Variants in KCNQ2 observed in about 807,000 individuals in gnomAD.
The protein encoded by KCNQ2 is potassium voltage-gated channel subfamily KQT member 2.
A neutral mutation model predicts 84.8 loss-of-function variants in KCNQ2; 14 were observed. The ratio of observed to expected loss-of-function variants is 0.17; its 90% CI spans 0.11 to 0.26. KCNQ2 has a LOEUF of 0.26. Among genes scored for constraint, KCNQ2 ranks in the 10% least tolerant of loss-of-function variants. KCNQ2 has a pLI of 1.00. For missense variants in KCNQ2, 788 were observed against 1,254.0 expected, an observed-to-expected ratio of 0.63 and a Z score of 5.61; for synonymous variants, 599 against 554.1, an observed-to-expected ratio of 1.08 and a Z score of -1.14.
At position 63,406,474 on chromosome 20, in the gene KCNQ2, G is replaced by A. The variant is rs1421399568; in HGVS notation, c.*170C>T. 3 of 790,610 alleles carry A rather than the reference G, an allele frequency of 3.8e-6. No individual in the cohort carries two copies. The highest frequency in any genetic ancestry group is 3.5e-5 in the African/African-American group (2 of 57,364). The allele number at this position is 790,610 out of a possible 1,614,324, so 49.0% of individuals were successfully genotyped here. ...TGTTGGAAAATAACTTTTGTAAAAG[G>A]TCACTGCCAGGAGCCCCCATCCTTC... On this transcript the variant is annotated 3_prime_UTR_variant, in exon 17 of 17. Transcript: ENST00000359125.
intron 1 of KCNQ2, among the ~76,000 whole-genome samples, chr20:63,454,098 G>A (rs917871621): frequency 6.6e-6 from 1 of 152,194 alleles, no homozygotes; most frequent in African/African-American, 2.4e-5. Context: ...ATGCGGCCGA[G>A]ATCTGTGGCT....
intron 2 of KCNQ2, 60 bp from the exon 3 acceptor site, chr20:63,445,424 C>G: frequency 6.3e-7 from 1 of 1,597,724 alleles, no homozygotes; most frequent in Non-Finnish European, 8.6e-7. Flanking sequence ...GGGGCCCAGC[C>G]TGGACACCCA....
At chr20:63,468,838 G>A (rs1023192025) in intron 1 of KCNQ2, among the ~76,000 whole-genome samples, 1 of 150,008 alleles carries the variant, frequency 6.7e-6, no homozygotes, top group African/African-American at 2.4e-5. Flanking sequence ...CAAGCAATCT[G>A]CACCCCCAAG....
chr20:63,439,757 G>A, intron 5 of KCNQ2, 49 bp from the exon 6 acceptor site: 1 of 1,442,346 alleles, frequency 6.9e-7, no homozygotes, highest in Non-Finnish European at 9.8e-7. Flanking sequence ...TCACACCCCT[G>A]AGGGCAGGCT....
rs796052659 is a variant in KCNQ2 at position 63,406,859 on chromosome 20, A to C, written c.2404T>G (p.Phe802Val). Residue 802 changes from phenylalanine to valine, a missense_variant, in exon 17 of 17, where the codon TTC (phenylalanine) becomes GTC (valine). Physicochemically the swap from Phe to Val is conservative, Grantham distance 50. This residue lies in a region of KCNQ2 where 378 missense variants were observed against 434.5 expected (regional missense o/e 0.87). Coordinates refer to ENST00000359125, the MANE Select transcript of KCNQ2 (RefSeq NM_172107.4). Reference sequence around the variant, plus strand: ...GACTGGGAGATGCTGAAGCCGCTGAAGGAACGCTCCAGCTCCTCGTGGTCC... The same window carrying C: ...GACTGGGAGATGCTGAAGCCGCTGACGGAACGCTCCAGCTCCTCGTGGTCC... ...SVDHEELERSFSGFSISQSKE... is the reference protein window; with the variant it reads ...SVDHEELERSVSGFSISQSKE... The C allele has an allele frequency of 6.2e-7, 1 of 1,612,428 alleles. No individual in the cohort carries two copies. The highest frequency in any genetic ancestry group is 8.5e-7 in the Non-Finnish European group (1 of 1,179,794).
In KCNQ2 at chr20:63,472,563, G is replaced by T. The variant is rs989634294; in HGVS notation, c.-100C>A. The T allele has an allele frequency of 4.6e-5, 49 of 1,060,280 alleles. No individual in the cohort carries two copies. The African/African-American group carries it at 8.1e-4, about 18-fold the overall frequency. The allele number at this position is 1,060,280 out of a possible 1,614,324, so 65.7% of individuals were successfully genotyped here. ...AGCCCAGGCCCCCCGGCCGGGAGCC[G>T]CATGGCCGAGGCGGCGGTTCCGCAC... On this transcript the variant is annotated 5_prime_UTR_variant, in exon 1 of 17. Coordinates refer to ENST00000359125, the MANE Select transcript of KCNQ2 (RefSeq NM_172107.4).
At chr20:63,415,679 G>A (rs1002551607) in intron 12 of KCNQ2, among the ~76,000 whole-genome samples, 34 of 152,138 alleles carry the variant, frequency 2.2e-4, no homozygotes, top group Admixed American at 1.5e-3. Flanking sequence ...CTACCACCAC[G>A]AGGTGCCGGA....
rs1345397420 is a variant in KCNQ2, at chr20:63,431,409, A to G, written c.1119-40T>C. ...CACACACACAAAGGGAAAAGAACGG[A>G]AAATTTCAAAAAGAACGGGATAAGA... On this transcript the variant is annotated intron_variant, in intron 8 of 16. Coordinates refer to ENST00000359125, the MANE Select transcript of KCNQ2 (RefSeq NM_172107.4). 4 of 1,608,724 alleles carry G rather than the reference A, an allele frequency of 2.5e-6. No individual in the cohort carries two copies. The Admixed American group carries it at 6.7e-5, about 27-fold the overall frequency.
intron 1 of KCNQ2, among the ~76,000 whole-genome samples, chr20:63,471,958 C>T (rs940103404): frequency 5.3e-5 from 8 of 152,186 alleles, no homozygotes; most frequent in Non-Finnish European, 8.8e-5. Flanking sequence ...CCGACCTGAG[C>T]GGCCCCGACC....
intron 12 of KCNQ2, among the ~76,000 whole-genome samples, chr20:63,417,470 C>T (rs1015946781): frequency 6.6e-6 from 1 of 152,242 alleles, no homozygotes; most frequent in Non-Finnish European, 1.5e-5. Flanking sequence ...CGGCAGCTGG[C>T]AAAGCACCGG....
chr20:63,430,437 GT>G (rs2080758008), intron 9 of KCNQ2, among the ~76,000 whole-genome samples: 2 of 152,186 alleles, frequency 1.3e-5, no homozygotes, highest in Admixed American at 1.3e-4. Context: ...CATTCTAACA[GT>G]TCCCAGGAAG....
chr20:63,461,904 G>C (rs1435968399), intron 1 of KCNQ2, among the ~76,000 whole-genome samples: 14 of 117,614 alleles, frequency 1.2e-4, no homozygotes, highest in East Asian at 8.5e-4. Flanking sequence ...CTACCCCAGG[G>C]AGCAGGGAGG....
intron 3 of KCNQ2, 23 bp from the exon 4 acceptor site, chr20:63,444,857 G>A (rs1274342901): frequency 9.6e-6 from 15 of 1,570,482 alleles, no homozygotes; most frequent in Non-Finnish European, 1.3e-5. Flanking sequence ...CGTGGAGCTG[G>A]TGAGCTGCTG....
chr20:63,433,942 C>G, intron 7 of KCNQ2, 39 bp from the exon 8 acceptor site: 1 of 1,584,376 alleles, frequency 6.3e-7, no homozygotes, highest in Non-Finnish European at 8.7e-7. Context: ...GAGGGGCAGG[C>G]GGCGAGGGGC....
intron 1 of KCNQ2, among the ~76,000 whole-genome samples, chr20:63,450,802 C>G (rs2081591975): frequency 6.6e-6 from 1 of 151,908 alleles, no homozygotes; most frequent in East Asian, 1.9e-4. Context: ...ACAGGGCACT[C>G]TACCAAGAAG....
chr20:63,424,365 G>C (rs1313883894), intron 10 of KCNQ2, 159 bp from the exon 11 acceptor site: 44 of 804,400 alleles, frequency 5.5e-5, no homozygotes, highest in Non-Finnish European at 7.9e-5. Flanking sequence ...ACCCACCCCA[G>C]AGAGCCCACG....
At chr20:63,410,386 C>G (rs890057136) in intron 15 of KCNQ2, among the ~76,000 whole-genome samples, 4 of 152,196 alleles carry the variant, frequency 2.6e-5, no homozygotes, top group Non-Finnish European at 5.9e-5. Context: ...TCCCTGAGTG[C>G]TCAGTGCCCC....
intron 1 of KCNQ2, among the ~76,000 whole-genome samples, chr20:63,461,685 C>T (rs563280581): frequency 2.0e-5 from 3 of 149,838 alleles, no homozygotes; most frequent in East Asian, 2.0e-4. Context: ...GCACCTACCC[C>T]GGGCAGCAGG....
At chr20:63,468,771 C>T (rs541746113) in intron 1 of KCNQ2, among the ~76,000 whole-genome samples, 64 of 152,346 alleles carry the variant, frequency 4.2e-4, no homozygotes, top group African/African-American at 1.5e-3. Flanking sequence ...CCCATCTGGC[C>T]TATTTTAAAC....
Sources: gnomAD v4.1 joint callset for allele counts (sites outside exome capture counted in the v4.1 genomes callset) on GRCh38, gnomAD v4.1.1 for gene constraint, gnomAD v4.1.1 regional missense constraint, MANE v1.5 for transcripts, NCBI Gene and HGNC (gene_info 2026-07-23, HGNC 2026-07-21) for gene names.